Variants in SV2B observed in about 807,000 individuals in gnomAD.
The protein encoded by SV2B is synaptic vesicle glycoprotein 2B.
SV2B carries 41 observed loss-of-function variants against 73.9 expected under a neutral mutation model. The ratio of observed to expected loss-of-function variants is 0.56; its 90% confidence interval spans 0.43 to 0.72. SV2B has a LOEUF of 0.72. Among genes scored for constraint, SV2B ranks in the 30% least tolerant of loss-of-function variants. The pLI, the probability that SV2B is intolerant of heterozygous loss-of-function variation, is 0.00. For synonymous variants in SV2B, 314 were observed against 314.2 expected, an observed-to-expected ratio of 1.00 and a Z score of 0.01; for missense variants, 764 against 857.8, an observed-to-expected ratio of 0.89 and a Z score of 1.37.
intron 1 of SV2B, among the ~76,000 whole-genome samples, chr15:91,200,950 A>C (rs141173359): frequency 6.6e-6 from 1 of 152,212 alleles, no homozygotes; most frequent in South Asian, 2.1e-4. Context: ...ACTGAAAGCT[A>C]TTCTCCATCT....
chr15:91,151,028 A>G (rs1420775784), intron 1 of SV2B, among the ~76,000 whole-genome samples: 1 of 152,220 alleles, frequency 6.6e-6, no homozygotes, highest in Non-Finnish European at 1.5e-5. Context: ...TTTCATCCAG[A>G]TGATCCTCAG....
chr15:91,285,612 T>G (rs948102156), intron 11 of SV2B, among the ~76,000 whole-genome samples: 2 of 152,228 alleles, frequency 1.3e-5, no homozygotes, highest in African/African-American at 4.8e-5. Context: ...TTCCTTTACT[T>G]CTTTGAGCTT....
rs1052150478 is a variant in SV2B at position 91,110,615 on chromosome 15, G to A, written c.-392+10252G>A. On this transcript the variant is annotated intron_variant, in intron 1 of 12. Transcript: ENST00000394232. This position sits in a 1 kb window ranked among gnomAD's most constrained non-coding sequence, Gnocchi z 5.4. ...CCGAGGAATGGAGCCCAGCTGGCACGTGGGAGGCTCTGCGGGAGAGGAAGA... is the reference window on the plus strand; with the variant it reads ...CCGAGGAATGGAGCCCAGCTGGCACATGGGAGGCTCTGCGGGAGAGGAAGA... Among the ~76,000 whole-genome samples the A allele has an allele frequency of 2.0e-5, 3 of 152,236 alleles. No individual in the cohort carries two copies. Among genetic ancestry groups the A allele is most frequent in the African/African-American group, 7.2e-5 (3 of 41,464 alleles).
intron 1 of SV2B, among the ~76,000 whole-genome samples, chr15:91,153,651 G>A (rs2043388104): frequency 6.6e-6 from 1 of 152,152 alleles, no homozygotes; most frequent in Non-Finnish European, 1.5e-5. Context: ...CCAAGGGCCG[G>A]TGCCTGGGTG....
rs779356355 is a variant in SV2B at position 91,140,563 on chromosome 15, C to T, written c.-392+40200C>T. Among the ~76,000 whole-genome samples, 1 of 152,200 alleles carries T rather than the reference C, an allele frequency of 6.6e-6. No individual in the cohort carries two copies. The highest frequency in any genetic ancestry group is 1.5e-5 in the Non-Finnish European group (1 of 68,038). Reference sequence around the variant, plus strand: ...AGCACTAGCTCATTCATTAGGTCTGCTTCCATTTAACCCGAGGCCTGAGGA... The same window carrying T: ...AGCACTAGCTCATTCATTAGGTCTGTTTCCATTTAACCCGAGGCCTGAGGA... On this transcript the variant is annotated intron_variant, in intron 1 of 12. Transcript: ENST00000394232. This position sits in a 1 kb window ranked among gnomAD's most constrained non-coding sequence, Gnocchi z 4.4.
intron 5 of SV2B, 101 bp from the exon 6 acceptor site, chr15:91,260,219 G>C: frequency 2.0e-6 from 2 of 1,001,732 alleles, no homozygotes; most frequent in Non-Finnish European, 3.0e-6. Context: ...AGGAATGCTC[G>C]TATCAACATT....
chr15:91,144,313 G>A (rs943556582), intron 1 of SV2B, among the ~76,000 whole-genome samples: 5 of 152,142 alleles, frequency 3.3e-5, no homozygotes, highest in Non-Finnish European at 5.9e-5. Flanking sequence ...GCTTGAAGCA[G>A]AAAAAGAAAA....
At chr15:91,195,338 T>C (rs1335103111) in intron 1 of SV2B, among the ~76,000 whole-genome samples, 2 of 152,068 alleles carry the variant, frequency 1.3e-5, no homozygotes, top group Non-Finnish European at 2.9e-5. Context: ...TTTGTAACTG[T>C]TTGTAGAGAC....
In SV2B at chr15:91,109,973, G is replaced by A. The variant is rs141417137; in HGVS notation, c.-392+9610G>A. Among the ~76,000 whole-genome samples the A allele has an allele frequency of 1.2e-4, 18 of 152,216 alleles. No homozygotes were observed. In the East Asian group the frequency reaches 3.5e-3, roughly 29 times the overall value. On this transcript the variant is annotated intron_variant, in intron 1 of 12. Transcript: ENST00000394232. Reference sequence around the variant, plus strand: ...CTGGATTTCCCAAGCAATCCTCCAGGCTTGGCCTCCCAAAGTGCTGGGATT... The same window carrying A: ...CTGGATTTCCCAAGCAATCCTCCAGACTTGGCCTCCCAAAGTGCTGGGATT...
chr15:91,251,488 T>C (rs1170212183), intron 2 of SV2B, among the ~76,000 whole-genome samples: 2 of 152,238 alleles, frequency 1.3e-5, no homozygotes, highest in Non-Finnish European at 2.9e-5. Flanking sequence ...TGAGGGCTTT[T>C]GCAACACAAA....
chr15:91,207,661 A>G lies in SV2B; in HGVS notation c.-391-18212A>G, dbSNP rs935280230. Among the ~76,000 whole-genome samples the G allele has an allele frequency of 2.6e-5, 4 of 152,234 alleles. No individual in the cohort carries two copies. In the East Asian group the frequency reaches 7.7e-4, roughly 29 times the overall value. On this transcript the variant is annotated intron_variant, in intron 1 of 12. Coordinates refer to ENST00000394232, the MANE Select transcript of SV2B (RefSeq NM_001323032.3). ...AAAGACAGAATAACAAAATAAAAGCATACCAACTTATTTAACGTAAGTTTT... is the reference window on the plus strand; with the variant it reads ...AAAGACAGAATAACAAAATAAAAGCGTACCAACTTATTTAACGTAAGTTTT...
At chr15:91,149,712 T>C (rs1324038773) in intron 1 of SV2B, among the ~76,000 whole-genome samples, 1 of 152,156 alleles carries the variant, frequency 6.6e-6, no homozygotes, top group Non-Finnish European at 1.5e-5. Context: ...TGTCCTCATG[T>C]GAGAAAGCTG....
intron 1 of SV2B, among the ~76,000 whole-genome samples, chr15:91,120,052 C>A (rs2042288384): frequency 6.6e-6 from 1 of 152,072 alleles, no homozygotes; most frequent in Admixed American, 6.6e-5. Context: ...ATCGATTTGC[C>A]TTTGATTTTG....
chr15:91,224,887 A>G lies in SV2B; in HGVS notation c.-391-986A>G, dbSNP rs972945366. Among the ~76,000 whole-genome samples, 4 of 152,184 alleles carry G rather than the reference A, an allele frequency of 2.6e-5. No homozygotes were observed. Among genetic ancestry groups the G allele is most frequent in the Non-Finnish European group, 4.4e-5 (3 of 68,018 alleles). ...ACAATGAGAATCCACTGGGCAAAGG[A>G]GTCAACAGAGGGACTCTGATTGGAA... On this transcript the variant is annotated intron_variant, in intron 1 of 12. Transcript: ENST00000394232. This position sits in a 1 kb window ranked among gnomAD's most constrained non-coding sequence, Gnocchi z 4.9.
In SV2B at chr15:91,105,361, A is replaced by T. The variant is rs2041854522; in HGVS notation, c.-392+4998A>T. On this transcript the variant is annotated intron_variant, in intron 1 of 12. Coordinates refer to ENST00000394232, the MANE Select transcript of SV2B (RefSeq NM_001323032.3). The surrounding 1 kb of genome is among the most constrained non-coding windows in gnomAD (Gnocchi z 5.5). ...TGAAGGAAGTGAAGGAGTGAGCCAGACAGTTATCTGGGGAAAGACATTTCC... is the reference window on the plus strand; with the variant it reads ...TGAAGGAAGTGAAGGAGTGAGCCAGTCAGTTATCTGGGGAAAGACATTTCC... Among the ~76,000 whole-genome samples, 1 of 152,166 alleles carries T rather than the reference A, an allele frequency of 6.6e-6. No homozygotes were observed. Among genetic ancestry groups the T allele is most frequent in the Admixed American group, 6.6e-5 (1 of 15,264 alleles).
Position 91,241,408 on chromosome 15 carries a change from C to T in SV2B, c.452-10411C>T, listed in dbSNP as rs1176374398. 6.6e-6 allele frequency among the ~76,000 whole-genome samples: 1 copy of T among 152,166 alleles called. No individual in the cohort carries two copies. The highest frequency in any genetic ancestry group is 2.4e-5 in the African/African-American group (1 of 41,438). On this transcript the variant is annotated intron_variant, in intron 2 of 12. Coordinates refer to ENST00000394232, the MANE Select transcript of SV2B (RefSeq NM_001323032.3). This position sits in a 1 kb window ranked among gnomAD's most constrained non-coding sequence, Gnocchi z 4.8. Reference sequence around the variant, plus strand: ...CAGAACATACAATGTTGCCCACTGGCCTCACTAAATTGATGATGCAGAGCC... The same window carrying T: ...CAGAACATACAATGTTGCCCACTGGTCTCACTAAATTGATGATGCAGAGCC...
intron 11 of SV2B, among the ~76,000 whole-genome samples, chr15:91,287,286 T>C (rs559540978): frequency 2.0e-5 from 3 of 152,232 alleles, no homozygotes; most frequent in Admixed American, 6.5e-5. Context: ...GTGTTTCTTA[T>C]TGAGGCCAGG....
chr15:91,116,702 C>G (rs927853196), intron 1 of SV2B, among the ~76,000 whole-genome samples: 4 of 152,132 alleles, frequency 2.6e-5, no homozygotes, highest in Admixed American at 2.0e-4. Flanking sequence ...ATAGGGAACT[C>G]ATAAACGGCT....
intron 1 of SV2B, among the ~76,000 whole-genome samples, chr15:91,210,266 C>T (rs1210506190): frequency 6.6e-6 from 1 of 151,910 alleles, no homozygotes; most frequent in Non-Finnish European, 1.5e-5. Flanking sequence ...TTTCCAGAGG[C>T]TGGGAGAGCT....
Sources: gnomAD v4.1 joint callset for allele counts (sites outside exome capture counted in the v4.1 genomes callset) on GRCh38, gnomAD v4.1.1 for gene constraint, Gnocchi (gnomAD v3.1) non-coding constraint, MANE v1.5 for transcripts, NCBI Gene and HGNC (gene_info 2026-07-23, HGNC 2026-07-21) for gene names.